The following BMPR1B variants were observed in gnomAD, a reference collection of about 807,000 sequenced individuals.
BMPR1B encodes the protein bone morphogenetic protein receptor type 1B.
In BMPR1B, 12 loss-of-function variants were observed where a neutral mutation model predicts 59.1. The ratio of observed to expected loss-of-function variants is 0.20; its 90% confidence interval spans 0.13 to 0.33. The LOEUF is 0.33. Ranked by LOEUF, BMPR1B falls within the 10% of genes least tolerant of loss-of-function variation. The pLI is 1.00. For missense variants in BMPR1B, 550 were observed against 610.9 expected (o/e 0.90, Z 1.05); for synonymous variants, 237 against 207.3 (o/e 1.14, Z -1.23).
chr4:94,983,665 A>G (rs1254066540), intron 2 of BMPR1B, among the ~76,000 whole-genome samples: 2 of 152,226 alleles, frequency 1.3e-5, no homozygotes, highest in Non-Finnish European at 2.9e-5. Context: ...GTCTTACCAC[A>G]GTGTCCCATA....
intron 8 of BMPR1B, among the ~76,000 whole-genome samples, chr4:95,129,228 T>C (rs1733129717): frequency 6.6e-6 from 1 of 152,132 alleles, no homozygotes; most frequent in Non-Finnish European, 1.5e-5. Flanking sequence ...CATTTGATGC[T>C]CTCTGCTTAA....
At chr4:94,904,985 C>T (rs1051761654) in intron 2 of BMPR1B, among the ~76,000 whole-genome samples, 1 of 151,920 alleles carries the variant, frequency 6.6e-6, no homozygotes, top group Non-Finnish European at 1.5e-5. Context: ...CTTTAAAAGT[C>T]TTGGAAGCTT....
At chr4:94,763,828 TA>T (rs1721868527) in intron 1 of BMPR1B, among the ~76,000 whole-genome samples, 1 of 152,220 alleles carries the variant, frequency 6.6e-6, no homozygotes, top group Non-Finnish European at 1.5e-5. Context: ...TGACCATCTA[TA>T]AAATGTATTA....
chr4:95,011,368 AG>A (rs1223304469), intron 3 of BMPR1B, among the ~76,000 whole-genome samples: 1 of 152,144 alleles, frequency 6.6e-6, no homozygotes, highest in Admixed American at 6.6e-5. Context: ...TAGTAGCCAG[AG>A]GTAGGCAATC....
chr4:94,979,376 ATCC>A (rs1179712938), intron 2 of BMPR1B, among the ~76,000 whole-genome samples: 2 of 152,210 alleles, frequency 1.3e-5, no homozygotes, highest in Non-Finnish European at 2.9e-5. Flanking sequence ...TTTTGTTTTC[ATCC>A]TCAAGTTTTA....
intron 3 of BMPR1B, among the ~76,000 whole-genome samples, chr4:95,003,151 T>G (rs1363977899): frequency 6.6e-6 from 1 of 152,182 alleles, no homozygotes; most frequent in Non-Finnish European, 1.5e-5. Flanking sequence ...TTTCTCAATA[T>G]CTTTTGAAAC....
chr4:94,892,065 C>T (rs1280996368), intron 2 of BMPR1B, among the ~76,000 whole-genome samples: 3 of 152,050 alleles, frequency 2.0e-5, no homozygotes, highest in Admixed American at 6.6e-5. Flanking sequence ...ACTCATGTCT[C>T]ATTTAGGGAA....
chr4:94,818,202 G>A (rs1354536956), intron 1 of BMPR1B, among the ~76,000 whole-genome samples: 4 of 152,070 alleles, frequency 2.6e-5, no homozygotes, highest in African/African-American at 9.7e-5. Flanking sequence ...TGTGCTTTTA[G>A]TTATACTTTT....
At chr4:95,074,856 A>G (rs1298536622) in intron 3 of BMPR1B, among the ~76,000 whole-genome samples, 2 of 152,120 alleles carry the variant, frequency 1.3e-5, no homozygotes, top group African/African-American at 4.8e-5. Flanking sequence ...AATCAGATAG[A>G]AAAGTCAGAA....
At chr4:94,819,538 G>A (rs372132472) in intron 1 of BMPR1B, among the ~76,000 whole-genome samples, 48 of 152,288 alleles carry the variant, frequency 3.2e-4, no homozygotes, top group African/African-American at 1.2e-3. Context: ...TTTTTAGCCC[G>A]GGGTTCTTTC....
At chr4:94,890,008 A>T in intron 2 of BMPR1B, among the ~76,000 whole-genome samples, 1 of 152,134 alleles carries the variant, frequency 6.6e-6, no homozygotes, top group South Asian at 2.1e-4. Context: ...GGCTGTTGAA[A>T]TTTGTAGTGT....
intron 4 of BMPR1B, among the ~76,000 whole-genome samples, chr4:95,114,360 T>G (rs533379745): frequency 1.3e-5 from 2 of 152,006 alleles, no homozygotes; most frequent in East Asian, 3.9e-4. Flanking sequence ...CCTCACAGAG[T>G]TTGTCTGGAT....
At chr4:95,141,825 A>G (rs1035108110) in intron 10 of BMPR1B, among the ~76,000 whole-genome samples, 3 of 152,208 alleles carry the variant, frequency 2.0e-5, no homozygotes, top group Middle Eastern at 3.2e-3. Context: ...CCTGCAATAA[A>G]GACTAGGCTG....
At chr4:95,141,637 A>G (rs1160066920) in intron 10 of BMPR1B, among the ~76,000 whole-genome samples, 1 of 152,290 alleles carries the variant, frequency 6.6e-6, no homozygotes, top group Admixed American at 6.5e-5. Context: ...TTCAATCTCT[A>G]TTGGGAGGAG....
intron 4 of BMPR1B, among the ~76,000 whole-genome samples, chr4:95,106,768 A>G (rs1044044033): frequency 6.6e-6 from 1 of 151,994 alleles, no homozygotes; most frequent in Non-Finnish European, 1.5e-5. Flanking sequence ...GTTTGCGGTG[A>G]AACAGATAAC....
chr4:94,791,203 G>C (rs1172427138), intron 1 of BMPR1B, among the ~76,000 whole-genome samples: 1 of 152,112 alleles, frequency 6.6e-6, no homozygotes, highest in Non-Finnish European at 1.5e-5. Context: ...TGGCCAGGCT[G>C]GTCTCGAACT....
intron 1 of BMPR1B, among the ~76,000 whole-genome samples, chr4:94,829,729 T>A (rs1320463067): frequency 6.6e-6 from 1 of 152,176 alleles, no homozygotes; most frequent in South Asian, 2.1e-4. Context: ...AATGAAGTGC[T>A]CTAGTAAGGA....
intron 12 of BMPR1B, among the ~76,000 whole-genome samples, chr4:95,153,069 T>A (rs934785533): frequency 3.3e-5 from 5 of 152,200 alleles, no homozygotes; most frequent in Non-Finnish European, 4.4e-5. Context: ...GCATAAAACC[T>A]ATTATTTCTC....
intron 3 of BMPR1B, among the ~76,000 whole-genome samples, chr4:95,097,410 A>G (rs1400707409): frequency 1.3e-5 from 2 of 152,046 alleles, no homozygotes; most frequent in Non-Finnish European, 2.9e-5. Context: ...AGGTTTATTC[A>G]TGATTCTGTT....
Sources: allele counts gnomAD v4.1 joint callset (sites outside exome capture counted in the v4.1 genomes callset), GRCh38; gene constraint gnomAD v4.1.1; transcripts MANE v1.5; gene names NCBI Gene and HGNC (gene_info 2026-07-23, HGNC 2026-07-21).